Variants in ISY1 observed in about 807,000 individuals in gnomAD.
ISY1 encodes the protein ISY1 spliceosome associated protein.
A neutral mutation model predicts 54.4 loss-of-function variants in ISY1; 12 were observed. That is an observed-to-expected ratio of 0.22 (90% confidence interval 0.14 to 0.36). ISY1 has a LOEUF of 0.36. Ranked by LOEUF, ISY1 falls within the 10% of genes least tolerant of loss-of-function variation. The probability of loss-of-function intolerance (pLI) is 1.00; values close to 1 mark genes in which losing one functional copy is unlikely to be tolerated. For missense variants in ISY1, 282 were observed against 342.2 expected, an observed-to-expected ratio of 0.82 and a Z score of 1.39; for synonymous variants, 96 against 117.9, an observed-to-expected ratio of 0.81 and a Z score of 1.20.
intron 7 of ISY1, among the ~76,000 whole-genome samples, chr3:129,135,759 C>G (rs1936377372): frequency 6.7e-6 from 1 of 150,262 alleles, no homozygotes; most frequent in East Asian, 1.9e-4. Context: ...GAGCGAGACT[C>G]CATCTCAAAA....
At chr3:129,145,712 T>A in intron 6 of ISY1, 49 bp downstream of exon 6, 1 of 1,579,278 alleles carries the variant, frequency 6.3e-7, no homozygotes, top group Non-Finnish European at 8.7e-7. Context: ...GGAACTGCTG[T>A]GGGTGGAAAA....
chr3:129,138,145 G>T (rs1470178030), intron 7 of ISY1, among the ~76,000 whole-genome samples: 1 of 150,306 alleles, frequency 6.7e-6, no homozygotes, highest in Non-Finnish European at 1.5e-5. Flanking sequence ...GGGCATGGTG[G>T]CGGGCGCCTA....
At chr3:129,157,872 G>A (rs1937191615) in intron 3 of ISY1, among the ~76,000 whole-genome samples, 1 of 152,040 alleles carries the variant, frequency 6.6e-6, no homozygotes, top group South Asian at 2.1e-4. Context: ...GTACAGATAA[G>A]AAATAGGAAA....
At chr3:129,145,358 G>T (rs1205205856) in intron 6 of ISY1, among the ~76,000 whole-genome samples, 1 of 152,030 alleles carries the variant, frequency 6.6e-6, no homozygotes, top group Admixed American at 6.6e-5. Context: ...AAGTAGCTGG[G>T]ATTACAGGCG....
chr3:129,147,284 G>A (rs1936795317), intron 5 of ISY1, among the ~76,000 whole-genome samples: 1 of 151,786 alleles, frequency 6.6e-6, no homozygotes, highest in Admixed American at 6.6e-5. Context: ...AGCTGAGGTA[G>A]CAGAATAGCT....
At chr3:129,160,918 G>GCCCCCTCCC in intron 1 of ISY1, 55 bp downstream of exon 1, 1 of 666,128 alleles carries the variant, frequency 1.5e-6, no homozygotes, top group South Asian at 1.6e-5. Flanking sequence ...TGGACTGGGC[G>GCCCCCTCCC]CCCCCCCGCC....
At chr3:129,139,391 T>A (rs373333491) in intron 7 of ISY1, among the ~76,000 whole-genome samples, 30 of 152,234 alleles carry the variant, frequency 2.0e-4, no homozygotes, top group African/African-American at 6.3e-4. Flanking sequence ...AGAACTATAT[T>A]TTTTTTAAAA....
intron 5 of ISY1, among the ~76,000 whole-genome samples, chr3:129,155,067 T>C (rs1411769931): frequency 4.6e-5 from 7 of 152,066 alleles, no homozygotes; most frequent in African/African-American, 1.7e-4. Context: ...TGATTTCTTA[T>C]CTTTACTATT....
At chr3:129,142,854 A>T (rs543144299) in intron 6 of ISY1, among the ~76,000 whole-genome samples, 12 of 152,334 alleles carry the variant, frequency 7.9e-5, no homozygotes, top group Admixed American at 7.8e-4. Flanking sequence ...AGGGAGTTCG[A>T]GACCAGCCTG....
intron 6 of ISY1, among the ~76,000 whole-genome samples, chr3:129,142,881 C>G (rs985422838): frequency 5.3e-5 from 8 of 152,004 alleles, no homozygotes; most frequent in Non-Finnish European, 1.2e-4. Context: ...ATGGTGAAAC[C>G]CTGTCTCTAC....
At chr3:129,156,399 A>AG (rs1937143029) in intron 5 of ISY1, among the ~76,000 whole-genome samples, 1 of 14,016 alleles carries the variant, frequency 7.1e-5, no homozygotes, top group African/African-American at 7.6e-5. Context: ...ACTCTGTCTC[A>AG]AAAAAAAAAA....
At chr3:129,152,899 G>A (rs1286698421) in intron 5 of ISY1, among the ~76,000 whole-genome samples, 1 of 152,096 alleles carries the variant, frequency 6.6e-6, no homozygotes, top group East Asian at 1.9e-4. Context: ...ACTATGTGGA[G>A]TTGGTATTAT....
Position 129,127,848 on chromosome 3 carries a change from A to G in ISY1, c.*2233T>C, listed in dbSNP as rs1326661578. 6.6e-6 allele frequency: 1 copy of G among 152,224 alleles called. No individual in the cohort carries two copies. Among genetic ancestry groups the G allele is most frequent in the African/African-American group, 2.4e-5 (1 of 41,442 alleles). 9.4% of individuals were successfully genotyped at this position (152,224 alleles called of 1,614,324 possible). A position where few individuals can be genotyped will look rare whatever the true frequency, so the allele number is the denominator to read the frequency against. ...TCTCAAGACAGGCCTGGCTCCAAGC[A>G]CCTGCCATCCTTCCCAGGGAGAAGG... On this transcript the variant is annotated 3_prime_UTR_variant, in exon 11 of 11. Coordinates refer to ENST00000393295, the MANE Select transcript of ISY1 (RefSeq NM_020701.4).
chr3:129,157,354 C>T lies in ISY1; in HGVS notation c.79-434G>A, dbSNP rs530173641. Among the ~76,000 whole-genome samples, 13 of 152,040 alleles carry T rather than the reference C, an allele frequency of 8.6e-5. No homozygotes were observed. The East Asian group carries it at 1.4e-3, about 16-fold the overall frequency. ...GTCTCTAAGAAATGAAATAATTTAC[C>T]GGTTTCAGCTTACAGCTGTTCTCCA... On this transcript the variant is annotated intron_variant, in intron 3 of 10. Transcript: ENST00000393295.
intron 6 of ISY1, among the ~76,000 whole-genome samples, chr3:129,141,178 C>T (rs1436522382): frequency 7.6e-5 from 11 of 145,096 alleles, no homozygotes; most frequent in Non-Finnish European, 1.3e-4. Context: ...GTACTCCAGC[C>T]AGGGCTGGAG....
At chr3:129,149,959 G>A (rs1936913002) in intron 5 of ISY1, among the ~76,000 whole-genome samples, 1 of 136,894 alleles carries the variant, frequency 7.3e-6, no homozygotes, top group Admixed American at 7.6e-5. Context: ...GGGTGACAGA[G>A]AAAGGCTCTA....
intron 7 of ISY1, among the ~76,000 whole-genome samples, chr3:129,139,453 T>A (rs1368032678): frequency 6.6e-6 from 1 of 152,106 alleles, no homozygotes; most frequent in African/African-American, 2.4e-5. Flanking sequence ...ATGGTGAAAA[T>A]ACTGGCATCA....
At chr3:129,157,913 T>G (rs1937192453) in intron 3 of ISY1, among the ~76,000 whole-genome samples, 1 of 151,776 alleles carries the variant, frequency 6.6e-6, no homozygotes. Flanking sequence ...TGACCTGGAG[T>G]GCAGCAGCGC....
chr3:129,132,504 C>T (rs956075754), intron 9 of ISY1, among the ~76,000 whole-genome samples: 9 of 152,158 alleles, frequency 5.9e-5, no homozygotes, highest in South Asian at 4.1e-4. Flanking sequence ...GCACATGATG[C>T]GCCCCTGCTG....
Sources: allele counts gnomAD v4.1 joint callset (sites outside exome capture counted in the v4.1 genomes callset), GRCh38; gene constraint gnomAD v4.1.1; transcripts MANE v1.5; gene names NCBI Gene and HGNC (gene_info 2026-07-23, HGNC 2026-07-21).